Variants in RALY observed in about 807,000 individuals in gnomAD.
RALY encodes the protein RALY heterogeneous nuclear ribonucleoprotein, also known as RNA-binding protein Raly.
Under a neutral mutation model 30.7 loss-of-function variants are expected in RALY, and 15 were observed. The ratio of observed to expected loss-of-function variants is 0.49; its 90% CI spans 0.33 to 0.75. The LOEUF (loss-of-function observed/expected upper bound fraction) is 0.75, where lower values mean the gene tolerates loss of function less well. Ranked by LOEUF, RALY falls within the 30% of genes least tolerant of loss-of-function variation. RALY has a pLI of 0.02. For synonymous variants in RALY, 177 were observed against 170.8 expected (o/e 1.04, Z -0.28); for missense variants, 339 against 414.3 (o/e 0.82, Z 1.58).
At chr20:34,045,258 T>C (rs2032840340) in intron 2 of RALY, among the ~76,000 whole-genome samples, 1 of 152,098 alleles carries the variant, frequency 6.6e-6, no homozygotes, top group Admixed American at 6.5e-5. Context: ...AATTAGTAAA[T>C]CAATTATGTA....
chr20:34,002,774 C>G (rs1327560408), intron 1 of RALY, among the ~76,000 whole-genome samples: 1 of 152,164 alleles, frequency 6.6e-6, no homozygotes, highest in Non-Finnish European at 1.5e-5. Flanking sequence ...CATCTGGACA[C>G]CCACACAGTT....
chr20:34,049,680 C>T (rs974439190), intron 2 of RALY, among the ~76,000 whole-genome samples: 1 of 152,188 alleles, frequency 6.6e-6, no homozygotes, highest in Admixed American at 6.5e-5. Flanking sequence ...ACACTTTTGA[C>T]ATCATTAATT....
intron 1 of RALY, among the ~76,000 whole-genome samples, chr20:34,000,151 C>A (rs893827513): frequency 1.3e-5 from 2 of 152,218 alleles, no homozygotes; most frequent in South Asian, 4.1e-4. Flanking sequence ...TACAACTTCC[C>A]CCTGGGTACT....
At chr20:34,033,591 A>G (rs1484779871) in intron 2 of RALY, among the ~76,000 whole-genome samples, 2 of 152,114 alleles carry the variant, frequency 1.3e-5, no homozygotes, top group African/African-American at 2.4e-5. Flanking sequence ...TACTGGAACA[A>G]AGAGAGTGAG....
chr20:34,078,029 T>G (rs984273835), intron 8 of RALY, among the ~76,000 whole-genome samples: 6 of 152,248 alleles, frequency 3.9e-5, no homozygotes, highest in Non-Finnish European at 8.8e-5. Flanking sequence ...TTTTCAGCAC[T>G]GCTGGGTTCT....
intron 2 of RALY, among the ~76,000 whole-genome samples, chr20:34,058,729 G>A (rs1018699033): frequency 6.6e-6 from 1 of 152,160 alleles, no homozygotes; most frequent in Admixed American, 6.5e-5. Flanking sequence ...ACTAGTAAGT[G>A]CTGATCCTGG....
At chr20:34,016,745 G>A (rs927069745) in intron 1 of RALY, 1 of 152,272 alleles carries the variant, frequency 6.6e-6, no homozygotes, top group Non-Finnish European at 1.5e-5. Flanking sequence ...TTTATGATGA[G>A]TTTAGTCTGG....
chr20:34,039,627 T>C (rs879628123), intron 2 of RALY, among the ~76,000 whole-genome samples: 1 of 152,178 alleles, frequency 6.6e-6, no homozygotes, highest in Non-Finnish European at 1.5e-5. Context: ...TTTAGAATGC[T>C]CCTGAAACTA....
chr20:34,063,733 G>C (rs923619701), intron 2 of RALY, among the ~76,000 whole-genome samples: 21 of 152,106 alleles, frequency 1.4e-4, no homozygotes, highest in African/African-American at 5.1e-4. Flanking sequence ...GAGAATAAGG[G>C]GATCAAAGAG....
At chr20:34,023,504 G>A (rs1483635167) in intron 1 of RALY, among the ~76,000 whole-genome samples, 1 of 152,182 alleles carries the variant, frequency 6.6e-6, no homozygotes, top group African/African-American at 2.4e-5. Flanking sequence ...CATCCAGGCT[G>A]GCAAGCAGTC....
At chr20:34,077,427 G>C in intron 8 of RALY, 182 bp downstream of exon 8, 1 of 1,375,442 alleles carries the variant, frequency 7.3e-7, no homozygotes, top group Non-Finnish European at 9.7e-7. Flanking sequence ...GCCTATCTCA[G>C]ACACCATCAG....
chr20:34,062,056 A>T (rs1033953397), intron 2 of RALY, among the ~76,000 whole-genome samples: 2 of 152,194 alleles, frequency 1.3e-5, no homozygotes, highest in Admixed American at 1.3e-4. Flanking sequence ...TCCCTAGATC[A>T]TGCAGCATAT....
At chr20:34,002,296 G>A (rs1182446693) in intron 1 of RALY, among the ~76,000 whole-genome samples, 2 of 152,144 alleles carry the variant, frequency 1.3e-5, no homozygotes, top group Non-Finnish European at 2.9e-5. Context: ...TTCAGAGGAA[G>A]TTACTTAGTT....
chr20:34,065,683 A>G (rs1160724836), intron 2 of RALY, among the ~76,000 whole-genome samples: 5 of 152,184 alleles, frequency 3.3e-5, no homozygotes, highest in African/African-American at 1.2e-4. Context: ...GATGAGTCTA[A>G]TTGCTTGACT....
rs951204018 is a variant in RALY at position 34,083,173 on chromosome 20, T to A, written c.*3268T>A. On this transcript the variant is annotated 3_prime_UTR_variant, in exon 10 of 10. Transcript: ENST00000246194. The stretch of plus-strand genomic sequence containing the variant: ...AAATTTAGTAGCCTTAATAAACATT[T>A]ATTAGCTCCTGAGTGAGTGGCTTGG... 2.6e-5 allele frequency: 4 copies of A among 152,250 alleles called. No homozygotes were observed. The highest frequency in any genetic ancestry group is 9.6e-5 in the African/African-American group (4 of 41,454). The allele number at this position is 152,250 out of a possible 1,614,324, so 9.4% of individuals were successfully genotyped here.
At chr20:33,996,290 C>T (rs1296595767) in intron 1 of RALY, among the ~76,000 whole-genome samples, 4 of 152,118 alleles carry the variant, frequency 2.6e-5, no homozygotes, top group African/African-American at 4.8e-5. Flanking sequence ...TTGTGGCTCT[C>T]TGAGCCTCAG....
chr20:34,071,062 A>G (rs569887267), intron 2 of RALY, among the ~76,000 whole-genome samples: 18 of 152,240 alleles, frequency 1.2e-4, no homozygotes, highest in African/African-American at 3.9e-4. Context: ...GCAGTCACTC[A>G]CTATCATGAG....
intron 2 of RALY, among the ~76,000 whole-genome samples, chr20:34,031,992 C>T (rs1030516732): frequency 2.0e-5 from 3 of 152,162 alleles, no homozygotes; most frequent in Non-Finnish European, 2.9e-5. Flanking sequence ...GATGGAGTTT[C>T]GCTCTTGTTG....
chr20:34,035,925 G>C (rs2032479992), intron 2 of RALY, among the ~76,000 whole-genome samples: 1 of 152,122 alleles, frequency 6.6e-6, no homozygotes, highest in African/African-American at 2.4e-5. Context: ...TGTATCTTTG[G>C]GGGAATAACT....
Sources: allele counts gnomAD v4.1 joint callset (sites outside exome capture counted in the v4.1 genomes callset), GRCh38; gene constraint gnomAD v4.1.1; transcripts MANE v1.5; gene names NCBI Gene and HGNC (gene_info 2026-07-23, HGNC 2026-07-21).